PGS1: variants seen among roughly 807,000 people sequenced by gnomAD.
PGS1 encodes the protein phosphatidylglycerophosphate synthase 1, also known as CDP-diacylglycerol--glycerol-3-phosphate 3-phosphatidyltransferase, mitochondrial.
A neutral mutation model predicts 58.3 loss-of-function variants in PGS1; 44 were observed. That is an observed-to-expected ratio of 0.75 (90% CI 0.59 to 0.97). The LOEUF is 0.97. Among genes scored for constraint, PGS1 ranks in the 50% least tolerant of loss-of-function variants. The pLI, the probability that PGS1 is intolerant of heterozygous loss-of-function variation, is 0.00. For missense variants in PGS1, 684 were observed against 731.1 expected, an observed-to-expected ratio of 0.94 and a Z score of 0.74; for synonymous variants, 330 against 311.0, an observed-to-expected ratio of 1.06 and a Z score of -0.64.
intron 1 of PGS1, among the ~76,000 whole-genome samples, chr17:78,390,296 A>C (rs1452197868): frequency 2.0e-5 from 3 of 146,834 alleles, no homozygotes; most frequent in Non-Finnish European, 4.5e-5. Context: ...GATGCCTGTG[A>C]GTGTCATCAC....
chr17:78,412,974 G>A (rs539568215), intron 7 of PGS1, among the ~76,000 whole-genome samples: 1 of 152,188 alleles, frequency 6.6e-6, no homozygotes, highest in Non-Finnish European at 1.5e-5. Flanking sequence ...CTCTGTGTAC[G>A]AGGGGCCATG....
At chr17:78,419,791 T>TAAAC in intron 9 of PGS1, 116 bp downstream of exon 9, 1 of 1,536,518 alleles carries the variant, frequency 6.5e-7, no homozygotes, top group South Asian at 1.2e-5. Flanking sequence ...CTTTCTCAGT[T>TAAAC]AAACACAGAG....
At chr17:78,392,700 G>C (rs1334252315) in intron 2 of PGS1, 35 bp downstream of exon 2, 3 of 1,568,448 alleles carry the variant, frequency 1.9e-6, no homozygotes, top group Non-Finnish European at 2.6e-6. Flanking sequence ...GTTTGAGTTA[G>C]AGCTTTTGGG....
At position 78,400,172 on chromosome 17, in the gene PGS1, G is replaced by A. The variant is rs898364475; in HGVS notation, c.702-505G>A. Reference sequence around the variant, plus strand: ...GGCTGAGGCAGAGGGATCACCTGACGTTAGAAGTTCAAGACCAGCCTGGAC... The same window carrying A: ...GGCTGAGGCAGAGGGATCACCTGACATTAGAAGTTCAAGACCAGCCTGGAC... On this transcript the variant is annotated intron_variant, in intron 5 of 9. Coordinates refer to ENST00000262764, the MANE Select transcript of PGS1 (RefSeq NM_024419.5). This position sits in a 1 kb window ranked among gnomAD's most constrained non-coding sequence, Gnocchi z 4.4. 5.7e-6 allele frequency: 1 copy of A among 175,746 alleles called. No homozygotes were observed. Among genetic ancestry groups the A allele is most frequent in the Non-Finnish European group, 1.2e-5 (1 of 82,646 alleles). The allele number at this position is 175,746 out of a possible 1,614,324, so 10.9% of individuals were successfully genotyped here. A position where few individuals can be genotyped will look rare whatever the true frequency, so the allele number is the denominator to read the frequency against.
chr17:78,389,970 A>G (rs933007190), intron 1 of PGS1, among the ~76,000 whole-genome samples: 13 of 152,206 alleles, frequency 8.5e-5, no homozygotes, highest in African/African-American at 3.1e-4. Flanking sequence ...GACCTGGAGC[A>G]GTACAGCGGC....
chr17:78,382,828 G>A (rs1248944306), intron 1 of PGS1: 1 of 151,862 alleles, frequency 6.6e-6, no homozygotes, highest in Admixed American at 6.6e-5. Flanking sequence ...TGTAATTTTA[G>A]TAGAGACGGG....
chr17:78,420,333 G>C, intron 9 of PGS1: 1 of 602,616 alleles, frequency 1.7e-6, no homozygotes, highest in Non-Finnish European at 2.1e-6. Flanking sequence ...GGTACCCCTG[G>C]ACTGTCTTGA....
At chr17:78,415,312 T>G (rs896444002) in intron 8 of PGS1, among the ~76,000 whole-genome samples, 2 of 152,200 alleles carry the variant, frequency 1.3e-5, no homozygotes, top group African/African-American at 2.4e-5. Flanking sequence ...CTTTTCCTTT[T>G]AAGACAAAGG....
chr17:78,382,415 A>G (rs2082093953), intron 1 of PGS1, among the ~76,000 whole-genome samples: 1 of 152,064 alleles, frequency 6.6e-6, no homozygotes, highest in Non-Finnish European at 1.5e-5. Flanking sequence ...ATCAGTCTTG[A>G]TGGGGCACAT....
At chr17:78,413,536 C>G (rs1186322728) in intron 7 of PGS1, among the ~76,000 whole-genome samples, 1 of 152,214 alleles carries the variant, frequency 6.6e-6, no homozygotes, top group East Asian at 1.9e-4. Flanking sequence ...CTCTTGCTCA[C>G]ACCTGCTCCC....
intron 7 of PGS1, among the ~76,000 whole-genome samples, chr17:78,409,352 G>T (rs2084427801): frequency 6.6e-6 from 1 of 152,252 alleles, no homozygotes; most frequent in East Asian, 1.9e-4. Context: ...AGCAGGTGTT[G>T]GATTAAGAGA....
chr17:78,410,234 G>T (rs2084521348), intron 7 of PGS1, among the ~76,000 whole-genome samples: 1 of 152,042 alleles, frequency 6.6e-6, no homozygotes, highest in Non-Finnish European at 1.5e-5. Flanking sequence ...TTGAGACCCA[G>T]CCTGGCCAAC....
At chr17:78,407,255 C>T (rs2084233502) in intron 7 of PGS1, among the ~76,000 whole-genome samples, 1 of 152,156 alleles carries the variant, frequency 6.6e-6, no homozygotes, top group South Asian at 2.1e-4. Context: ...AGGGGCTTCA[C>T]CCTAAAGCCA....
Position 78,403,856 on chromosome 17 carries a change from A to G in PGS1, c.1169A>G (p.Asn390Ser), listed in dbSNP as rs781514798. 17 of 1,614,026 alleles carry G rather than the reference A, an allele frequency of 1.1e-5. No homozygotes were observed. The East Asian group carries it at 1.1e-4, about 11-fold the overall frequency. Reference sequence around the variant, plus strand: ...GTCTACCTCACCACTGGCTATTTCAACCTGACCCAGGCCTACATGGACCTG... The same window carrying G: ...GTCTACCTCACCACTGGCTATTTCAGCCTGACCCAGGCCTACATGGACCTG... ...AKVYLTTGYF[N>S]LTQAYMDLVL... Residue 390 changes from asparagine (N) to serine (S), a missense_variant, in exon 7 of 10, where the codon AAC (asparagine) becomes AGC (serine). Physicochemically the swap from Asn to Ser is conservative, Grantham distance 46. Transcript: ENST00000262764.
intron 1 of PGS1, among the ~76,000 whole-genome samples, chr17:78,381,586 A>T (rs532431343): frequency 1.3e-4 from 20 of 152,198 alleles, no homozygotes; most frequent in African/African-American, 3.9e-4. Flanking sequence ...CCAATTTCTC[A>T]TTCCCCGAAT....
chr17:78,404,714 G>A (rs920761080), intron 7 of PGS1, among the ~76,000 whole-genome samples: 4 of 152,176 alleles, frequency 2.6e-5, no homozygotes, highest in Non-Finnish European at 5.9e-5. Flanking sequence ...AGGCTGGAGT[G>A]CAATGGTGCG....
At chr17:78,422,956 T>TGTG (rs2086022907) in intron 9 of PGS1, among the ~76,000 whole-genome samples, 1 of 151,872 alleles carries the variant, frequency 6.6e-6, no homozygotes, top group Admixed American at 6.6e-5. Flanking sequence ...ATTAGCTGCG[T>TGTG]GTGGTGGTGG....
intron 8 of PGS1, 146 bp from the exon 9 acceptor site, chr17:78,419,400 G>C: frequency 1.4e-6 from 1 of 700,674 alleles, no homozygotes; most frequent in Non-Finnish European, 2.5e-6. Context: ...CCTGCCACCA[G>C]AGCACCCTGG....
chr17:78,411,188 C>T (rs1371759797), intron 7 of PGS1, among the ~76,000 whole-genome samples: 6 of 152,130 alleles, frequency 3.9e-5, no homozygotes, highest in Admixed American at 2.6e-4. Context: ...GAGGAGCCTC[C>T]TCGACCACAT....
Sources: gnomAD v4.1 joint callset for allele counts (sites outside exome capture counted in the v4.1 genomes callset) on GRCh38, gnomAD v4.1.1 for gene constraint, Gnocchi (gnomAD v3.1) non-coding constraint, MANE v1.5 for transcripts, NCBI Gene and HGNC (gene_info 2026-07-23, HGNC 2026-07-21) for gene names.